The following AIG1 variants were observed in gnomAD, a reference collection of about 807,000 sequenced individuals.
The protein encoded by AIG1 is androgen-induced gene 1 protein.
Under a neutral mutation model 31.4 loss-of-function variants are expected in AIG1, and 23 were observed. The ratio of observed to expected loss-of-function variants is 0.73; its 90% CI spans 0.53 to 1.04. The LOEUF (loss-of-function observed/expected upper bound fraction) is 1.04. Among genes scored for constraint, AIG1 ranks in the 50% least tolerant of loss-of-function variants. The pLI is 0.00. For missense variants in AIG1, 274 were observed against 295.0 expected (o/e 0.93, Z 0.52); for synonymous variants, 100 against 110.5 (o/e 0.90, Z 0.60).
intron 3 of AIG1, among the ~76,000 whole-genome samples, chr6:143,213,286 A>G (rs1005464419): frequency 6.6e-6 from 1 of 152,184 alleles, no homozygotes; most frequent in South Asian, 2.1e-4. Context: ...GATGCTGGAT[A>G]TATAAAGATA....
At chr6:143,159,740 C>T (rs928985971) in intron 2 of AIG1, among the ~76,000 whole-genome samples, 5 of 152,092 alleles carry the variant, frequency 3.3e-5, no homozygotes, top group Non-Finnish European at 7.4e-5. Context: ...CTCAGGATTC[C>T]ATAGATCTGG....
At position 143,171,422 on chromosome 6, in the gene AIG1, A is replaced by AATATATATT. The variant is rs1562453824; in HGVS notation, c.399+6247_399+6248insTATATATAT. ...TTCAATAGTGTGTGTATATATATAT[A>AATATATATT]ATATATATAATATATATATAATATA... On this transcript the variant is annotated intron_variant, in intron 3 of 5. Coordinates refer to ENST00000357847, the MANE Select transcript of AIG1 (RefSeq NM_016108.4). Among the ~76,000 whole-genome samples the AATATATATT allele has an allele frequency of 2.6e-4, 28 of 106,568 alleles. No homozygotes were observed. In the South Asian group the frequency reaches 7.7e-3, roughly 29 times the overall value. 69.9% of individuals were successfully genotyped at this position (106,568 alleles called of 152,430 possible).
intron 1 of AIG1, among the ~76,000 whole-genome samples, chr6:143,114,721 A>G (rs1285200889): frequency 6.6e-6 from 1 of 152,216 alleles, no homozygotes; most frequent in African/African-American, 2.4e-5. Flanking sequence ...CTACCATTAT[A>G]GTATCATGAT....
chr6:143,238,229 C>T (rs1370067550), intron 3 of AIG1, among the ~76,000 whole-genome samples: 1 of 152,226 alleles, frequency 6.6e-6, no homozygotes, highest in East Asian at 1.9e-4. Context: ...GCGTGAGCCA[C>T]CGCACCCGGC....
At chr6:143,246,416 T>C (rs891479100) in intron 3 of AIG1, among the ~76,000 whole-genome samples, 3 of 152,106 alleles carry the variant, frequency 2.0e-5, no homozygotes, top group Non-Finnish European at 1.5e-5. Context: ...AAACTCCCCC[T>C]TATAAACCCA....
chr6:143,102,558 A>C (rs1475446373), intron 1 of AIG1, among the ~76,000 whole-genome samples: 1 of 147,778 alleles, frequency 6.8e-6, no homozygotes, highest in Non-Finnish European at 1.5e-5. Flanking sequence ...ATAAAAGATA[A>C]TGTTATATAA....
intron 4 of AIG1, among the ~76,000 whole-genome samples, chr6:143,294,683 G>C (rs1369599146): frequency 1.3e-5 from 2 of 152,120 alleles, no homozygotes; most frequent in East Asian, 3.8e-4. Flanking sequence ...CTCCTTTGCT[G>C]AATTTATGGA....
At chr6:143,219,843 G>A (rs1031274932) in intron 3 of AIG1, among the ~76,000 whole-genome samples, 3 of 152,148 alleles carry the variant, frequency 2.0e-5, no homozygotes, top group African/African-American at 7.2e-5. Context: ...CTGTGCCCAG[G>A]CCTGGGCATT....
chr6:143,218,120 C>T (rs1255604187), intron 3 of AIG1, among the ~76,000 whole-genome samples: 1 of 152,214 alleles, frequency 6.6e-6, no homozygotes, highest in African/African-American at 2.4e-5. Context: ...AAATGAACTC[C>T]ATAAAGAATG....
chr6:143,276,867 A>G (rs1796957667), intron 3 of AIG1, among the ~76,000 whole-genome samples: 1 of 152,172 alleles, frequency 6.6e-6, no homozygotes, highest in Admixed American at 6.5e-5. Flanking sequence ...TTTCTTTCCA[A>G]GCTACTTCGG....
chr6:143,168,992 T>C (rs979575880), intron 3 of AIG1, among the ~76,000 whole-genome samples: 1 of 151,608 alleles, frequency 6.6e-6, no homozygotes, highest in Non-Finnish European at 1.5e-5. Flanking sequence ...GCAAGAAAAA[T>C]ATAGTTTTAG....
chr6:143,116,286 G>A (rs913091267), intron 1 of AIG1, among the ~76,000 whole-genome samples: 2 of 152,170 alleles, frequency 1.3e-5, no homozygotes, highest in African/African-American at 4.8e-5. Context: ...CTTTCAGTCA[G>A]AAGACCTTAG....
At chr6:143,247,212 A>G (rs1794681796) in intron 3 of AIG1, among the ~76,000 whole-genome samples, 1 of 152,012 alleles carries the variant, frequency 6.6e-6, no homozygotes, top group Admixed American at 6.6e-5. Flanking sequence ...GCTCACCACA[A>G]CCTCCGCCTC....
chr6:143,143,500 CAAAAAAAA>C (rs60620136), intron 2 of AIG1, among the ~76,000 whole-genome samples: 544 of 27,494 alleles, frequency 0.02, 17 homozygotes, highest in African/African-American at 0.071. Context: ...GACTTCATCT[CAAAAAAAA>C]AAAAAAAAAA....
At chr6:143,158,937 G>A (rs6902998) in intron 2 of AIG1, among the ~76,000 whole-genome samples, 85,319 of 152,028 alleles carry the variant, frequency 0.56, 24,821 homozygotes, top group African/African-American at 0.71. Flanking sequence ...AATGAACAGG[G>A]CAAACCAATT....
intron 4 of AIG1, among the ~76,000 whole-genome samples, chr6:143,323,355 A>C (rs544423743): frequency 6.6e-6 from 1 of 152,298 alleles, no homozygotes; most frequent in Admixed American, 6.5e-5. Context: ...AGCCTGCCCC[A>C]TGTATAGATA....
chr6:143,274,517 A>G (rs1228332823), intron 3 of AIG1, among the ~76,000 whole-genome samples: 2 of 152,146 alleles, frequency 1.3e-5, no homozygotes, highest in Non-Finnish European at 2.9e-5. Context: ...AGCCACTTCT[A>G]CTCCAAGATC....
At chr6:143,148,318 T>TAG (rs2128541862) in intron 2 of AIG1, among the ~76,000 whole-genome samples, 1 of 111,112 alleles carries the variant, frequency 9.0e-6, no homozygotes, top group East Asian at 2.6e-4. Flanking sequence ...CTGGGGAACA[T>TAG]AGTGAGATCC....
In AIG1 at chr6:143,291,926, C is replaced by T. The variant is rs538748990; in HGVS notation, c.515+7701C>T. ...GAACTGAGACATTTCTAAGGAATCACTTTGGCCAATGTGTTAAGAGTGGAT... is the reference window on the plus strand; with the variant it reads ...GAACTGAGACATTTCTAAGGAATCATTTTGGCCAATGTGTTAAGAGTGGAT... On this transcript the variant is annotated intron_variant, in intron 4 of 5. Coordinates refer to ENST00000357847, the MANE Select transcript of AIG1 (RefSeq NM_016108.4). The surrounding 1 kb of genome is among the most constrained non-coding windows in gnomAD (Gnocchi z 4.2). Among the ~76,000 whole-genome samples the T allele has an allele frequency of 2.4e-4, 36 of 152,260 alleles. No individual in the cohort carries two copies. The Middle Eastern group carries it at 0.02, about 86-fold the overall frequency.
Sources: allele counts gnomAD v4.1 joint callset (sites outside exome capture counted in the v4.1 genomes callset), GRCh38; gene constraint gnomAD v4.1.1; non-coding constraint Gnocchi (gnomAD v3.1); transcripts MANE v1.5; gene names NCBI Gene and HGNC (gene_info 2026-07-23, HGNC 2026-07-21).